The following LMNB2 variants were observed in gnomAD, a reference collection of about 807,000 sequenced individuals.
LMNB2 encodes lamin-B2.
A neutral mutation model predicts 69.3 loss-of-function variants in LMNB2; 17 were observed. The ratio of observed to expected loss-of-function variants is 0.25; its 90% CI spans 0.17 to 0.37. The LOEUF is 0.37. LMNB2 is among the 10% of genes least tolerant of loss of function. The pLI, the probability that LMNB2 is intolerant of heterozygous loss-of-function variation, is 1.00. For missense variants in LMNB2, 789 were observed against 883.6 expected, an observed-to-expected ratio of 0.89 and a Z score of 1.36; for synonymous variants, 397 against 389.3, an observed-to-expected ratio of 1.02 and a Z score of -0.23.
intron 1 of LMNB2, among the ~76,000 whole-genome samples, chr19:2,452,119 A>C (rs1447527366): frequency 6.9e-6 from 1 of 144,928 alleles, no homozygotes; most frequent in African/African-American, 2.6e-5. Flanking sequence ...GCCAGCCCCC[A>C]CCCCACCCTT....
At position 2,429,839 on chromosome 19, in the gene LMNB2, A is replaced by AT. The variant is rs1212060908; in HGVS notation, c.*1071dup. 6.6e-6 allele frequency: 1 copy of AT among 152,268 alleles called. No homozygotes were observed. The highest frequency in any genetic ancestry group is 1.5e-5 in the Non-Finnish European group (1 of 68,088). 9.4% of individuals were successfully genotyped at this position (152,268 alleles called of 1,614,324 possible). A position where few individuals can be genotyped will look rare whatever the true frequency, so the allele number is the denominator to read the frequency against. On this transcript the variant is annotated 3_prime_UTR_variant, in exon 12 of 12. Coordinates refer to ENST00000325327, the MANE Select transcript of LMNB2 (RefSeq NM_032737.4). ...TGAGGGAGGGTGTAAACGGTGAGCT[A>AT]TTGCCGAAGGGGGGTGCCAGGCATT...
chr19:2,432,331 C>T, intron 9 of LMNB2, 85 bp downstream of exon 9: 1 of 868,292 alleles, frequency 1.2e-6, no homozygotes, highest in Non-Finnish European at 1.9e-6. Context: ...CCCACCCACC[C>T]CCGCCAAGTC....
At chr19:2,452,842 A>T (rs1981637) in intron 1 of LMNB2, among the ~76,000 whole-genome samples, 40,678 of 151,708 alleles carry the variant, frequency 0.27, 5,668 homozygotes, top group African/African-American at 0.34. Context: ...GCCTCCCAGC[A>T]GGCTCCTCGG....
rs74541493 is a variant in LMNB2 at position 2,453,085 on chromosome 19, G to A, written c.264+3585C>T. On this transcript the variant is annotated intron_variant, in intron 1 of 11. Transcript: ENST00000325327. The surrounding 1 kb of genome is among the most constrained non-coding windows in gnomAD (Gnocchi z 4.4). ...ATCCTCATGGGGCTGGGTCATCCTC[G>A]TGAGGGCTGCGTCATCCTCGTGGGG... 0.011 allele frequency among the ~76,000 whole-genome samples: 1,592 copies of A among 149,202 alleles called. 42 individuals are homozygous for A. Among genetic ancestry groups the A allele is most frequent in the African/African-American group, 0.038 (1,517 of 40,074 alleles).
rs1971923812 is a variant in LMNB2 at position 2,443,715 on chromosome 19, C to T, written c.401+689G>A. 6.6e-6 allele frequency among the ~76,000 whole-genome samples: 1 copy of T among 152,210 alleles called. No individual in the cohort carries two copies. The highest frequency in any genetic ancestry group is 2.1e-4 in the South Asian group (1 of 4,832). ...GCTGGAGCCTCACATCAAGAAAAGC[C>T]TTGAGCTCAGTGTTTCATTGGCCTC... On this transcript the variant is annotated intron_variant, in intron 2 of 11. Coordinates refer to ENST00000325327, the MANE Select transcript of LMNB2 (RefSeq NM_032737.4). The surrounding 1 kb of genome is among the most constrained non-coding windows in gnomAD (Gnocchi z 6.2).
Position 2,434,951 on chromosome 19 carries a change from G to A in LMNB2, c.856-38C>T, listed in dbSNP as rs370301854. The A allele has an allele frequency of 1.9e-3, 2,939 of 1,587,824 alleles. 10 individuals are homozygous for A. Among genetic ancestry groups the A allele is most frequent in the Non-Finnish European group, 2.2e-3 (2,571 of 1,172,472 alleles). ...GGGCGGGTGAGTGCGGGCGCGGGGC[G>A]GGGCGGGGTTCCCACCGGCCGCCCC... On this transcript the variant is annotated intron_variant, in intron 5 of 11. Coordinates refer to ENST00000325327, the MANE Select transcript of LMNB2 (RefSeq NM_032737.4).
intron 2 of LMNB2, among the ~76,000 whole-genome samples, chr19:2,438,878 G>A (rs76370619): frequency 0.042 from 6,435 of 152,238 alleles, 158 homozygotes; most frequent in Non-Finnish European, 0.051. Context: ...CCTGGCCTTT[G>A]AAGGGTCAGC....
chr19:2,432,621 C>T, intron 8 of LMNB2, 98 bp from the exon 9 acceptor site: 2 of 969,414 alleles, frequency 2.1e-6, no homozygotes, highest in Non-Finnish European at 3.3e-6. Flanking sequence ...CCCTGGTCAC[C>T]CCCACCAGCT....
chr19:2,450,740 C>T (rs1057298315), intron 1 of LMNB2, among the ~76,000 whole-genome samples: 6 of 151,964 alleles, frequency 3.9e-5, no homozygotes, highest in Admixed American at 2.0e-4. Flanking sequence ...CGGGTTCAAG[C>T]GATTCTCCTG....
rs777467524 is a variant in LMNB2 at position 2,434,527 on chromosome 19, G to A, written c.982-12C>T. ...TCAGCGGCACTGGCCTGCGGAGGGG[G>A]CGGGTGGCGAAGGTCAGGGCAGCCC... On this transcript the variant is annotated splice_polypyrimidine_tract_variant and intron_variant, in intron 6 of 11. Coordinates refer to ENST00000325327, the MANE Select transcript of LMNB2 (RefSeq NM_032737.4). 17 of 1,610,146 alleles carry A rather than the reference G, an allele frequency of 1.1e-5. No homozygotes were observed. The African/African-American group carries it at 2.0e-4, about 19-fold the overall frequency.
Position 2,447,307 on chromosome 19 carries a change from A to T in LMNB2, c.265-2767T>A, listed in dbSNP as rs141528611. On this transcript the variant is annotated intron_variant, in intron 1 of 11. Transcript: ENST00000325327. The surrounding 1 kb of genome is among the most constrained non-coding windows in gnomAD (Gnocchi z 4.4). ...GCCCCTTGAGGATGTCACACTCATG[A>T]GACGCCAGACACAAAACGCCACACA... Among the ~76,000 whole-genome samples the T allele has an allele frequency of 1.8e-4, 27 of 152,296 alleles. No homozygotes were observed. Among genetic ancestry groups the T allele is most frequent in the Middle Eastern group, 3.4e-3 (1 of 294 alleles).
At chr19:2,454,772 C>T (rs1433155304) in intron 1 of LMNB2, among the ~76,000 whole-genome samples, 3 of 152,078 alleles carry the variant, frequency 2.0e-5, no homozygotes, top group Non-Finnish European at 4.4e-5. Flanking sequence ...TCCTGCCTGC[C>T]CCCCGTTCTG....
In LMNB2 at chr19:2,433,910, C is replaced by G. The variant is rs145913608; in HGVS notation, c.1398G>C (p.Gln466His). 1 of 1,612,318 alleles carries G rather than the reference C, an allele frequency of 6.2e-7. No homozygotes were observed. Among genetic ancestry groups the G allele is most frequent in the Non-Finnish European group, 8.5e-7 (1 of 1,179,412 alleles). The change falls in exon 8 of 12, where the codon CAG (glutamine) becomes CAC (histidine). Residue 466 changes from glutamine (Q) to histidine (H), a missense_variant. This residue lies in a region of LMNB2 where 609 missense variants were observed against 630.9 expected (regional missense o/e 0.97). Transcript: ENST00000325327. ...TGGSGGFHLA[Q>H]QASASGSVSI... The stretch of plus-strand genomic sequence containing the variant: ...TGACGCTACCCGAGGCCGAGGCCTG[C>G]TGGGCCAGGTGGAAGCCACCGCTGC...
In LMNB2 at chr19:2,456,414, AC is replaced by A. The variant is rs1972090015; in HGVS notation, c.264+255del. On this transcript the variant is annotated intron_variant, in intron 1 of 11. Coordinates refer to ENST00000325327, the MANE Select transcript of LMNB2 (RefSeq NM_032737.4). ...ACCGCTCACTCAGGGGCCCCTCGAA[AC>A]CCCCTGGAGACCCTCGAGACCCGGG... Among the ~76,000 whole-genome samples, 3 of 137,704 alleles carry A rather than the reference AC, an allele frequency of 2.2e-5. No homozygotes were observed. The South Asian group carries it at 7.2e-4, about 33-fold the overall frequency. 90.3% of individuals were successfully genotyped at this position (137,704 alleles called of 152,430 possible).
chr19:2,452,682 C>T (rs186421321), intron 1 of LMNB2, among the ~76,000 whole-genome samples: 1 of 152,186 alleles, frequency 6.6e-6, no homozygotes, highest in Non-Finnish European at 1.5e-5. Context: ...GCCGAGATCA[C>T]ACCACTGCAC....
At position 2,447,608 on chromosome 19, in the gene LMNB2, G is replaced by A. The variant is rs182257812; in HGVS notation, c.265-3068C>T. ...GGCGCTGAGGAAAAGGAGGACCGGA[G>A]GATGGTAGGCGGAACCAGGCCCAGC... On this transcript the variant is annotated intron_variant, in intron 1 of 11. Coordinates refer to ENST00000325327, the MANE Select transcript of LMNB2 (RefSeq NM_032737.4). The surrounding 1 kb of genome is among the most constrained non-coding windows in gnomAD (Gnocchi z 4.4). Among the ~76,000 whole-genome samples, 1 of 152,202 alleles carries A rather than the reference G, an allele frequency of 6.6e-6. No homozygotes were observed. Among genetic ancestry groups the A allele is most frequent in the Admixed American group, 6.5e-5 (1 of 15,278 alleles).
At chr19:2,431,015 T>G (rs1599329051) in intron 11 of LMNB2, 63 bp from the exon 12 acceptor site, 1 of 1,054,470 alleles carries the variant, frequency 9.5e-7, no homozygotes, top group Non-Finnish European at 1.5e-6. Flanking sequence ...AGCCGGCAGG[T>G]AGATGGCTGC....
Position 2,431,792 on chromosome 19 carries a change from C to G in LMNB2, c.1701G>C (p.Ala567=). The G allele has an allele frequency of 6.2e-7, 1 of 1,613,896 alleles. No individual in the cohort carries two copies. Among genetic ancestry groups the G allele is most frequent in the Non-Finnish European group, 8.5e-7 (1 of 1,179,902 alleles). ...AGCCACACACACCCACCTCGCCATC[C>G]GCGTTAACCAGGACGGTGCGGAAGC... ...GESFRTVLVN[A]DGEEVAMRTV... The change falls in exon 10 of 12, where the codon GCG becomes GCC. Residue 567 remains alanine, a synonymous_variant. Coordinates refer to ENST00000325327, the MANE Select transcript of LMNB2 (RefSeq NM_032737.4).
intron 1 of LMNB2, among the ~76,000 whole-genome samples, chr19:2,446,245 C>T (rs1177034917): frequency 6.6e-6 from 1 of 150,700 alleles, no homozygotes; most frequent in East Asian, 2.0e-4. Context: ...CCGACGGAGA[C>T]CCAGCCCAGC....
Sources: allele counts gnomAD v4.1 joint callset (sites outside exome capture counted in the v4.1 genomes callset), GRCh38; gene constraint gnomAD v4.1.1; regional missense constraint gnomAD v4.1.1; non-coding constraint Gnocchi (gnomAD v3.1); transcripts MANE v1.5; gene names NCBI Gene and HGNC (gene_info 2026-07-23, HGNC 2026-07-21).